TMEM232: variants seen among roughly 807,000 people sequenced by gnomAD.
TMEM232 encodes the protein transmembrane protein 232.
TMEM232 carries 80 observed loss-of-function variants against 78.8 expected under a neutral mutation model. The observed-to-expected ratio is 1.01, with a 90% CI of 0.85 to 1.22. The LOEUF (loss-of-function observed/expected upper bound fraction) is 1.22, where lower values mean the gene tolerates loss of function less well. Ranked by LOEUF, TMEM232 falls within the 50% of genes most tolerant of loss-of-function variation. The probability of loss-of-function intolerance (pLI) is 0.00; values close to 1 mark genes in which losing one functional copy is unlikely to be tolerated. For missense variants in TMEM232, 881 were observed against 742.2 expected (o/e 1.19, Z -2.17); for synonymous variants, 297 against 254.3 (o/e 1.17, Z -1.60).
intron 12 of TMEM232, among the ~76,000 whole-genome samples, chr5:110,513,022 G>A (rs534833386): frequency 6.6e-6 from 1 of 152,196 alleles, no homozygotes; most frequent in African/African-American, 2.4e-5. Context: ...GGCAGTGAAA[G>A]TGGAAGCTAA....
downstream of TMEM232, among the ~76,000 whole-genome samples, chr5:110,419,031 G>A (rs990409081): frequency 2.0e-5 from 3 of 152,116 alleles, no homozygotes; most frequent in South Asian, 2.1e-4. Flanking sequence ...ATGGAAGGAT[G>A]GGAGAAAATT....
At chr5:110,718,830 T>C (rs959790634) in intron 1 of TMEM232, among the ~76,000 whole-genome samples, 2 of 152,146 alleles carry the variant, frequency 1.3e-5, no homozygotes, top group Non-Finnish European at 2.9e-5. Context: ...AACTCTATTA[T>C]TGTATCTTCA....
intron 11 of TMEM232, among the ~76,000 whole-genome samples, chr5:110,543,004 C>T (rs988638622): frequency 2.6e-5 from 4 of 152,170 alleles, no homozygotes; most frequent in Non-Finnish European, 4.4e-5. Flanking sequence ...AGCCTGCTCC[C>T]ACCCTGGGAA....
intron 12 of TMEM232, among the ~76,000 whole-genome samples, chr5:110,462,651 C>T (rs1276056245): frequency 6.6e-6 from 1 of 152,212 alleles, no homozygotes; most frequent in Non-Finnish European, 1.5e-5. Context: ...CTTTGACTGG[C>T]TTCCTTGCTC....
chr5:110,692,784 G>C (rs534087931), intron 1 of TMEM232, among the ~76,000 whole-genome samples: 1 of 152,284 alleles, frequency 6.6e-6, no homozygotes, highest in Non-Finnish European at 1.5e-5. Context: ...GGCTTGAGTA[G>C]GTAAACAAAG....
chr5:110,629,238 GA>G (rs1056846327), intron 5 of TMEM232, among the ~76,000 whole-genome samples: 28 of 151,556 alleles, frequency 1.8e-4, no homozygotes, highest in East Asian at 5.8e-4. Context: ...GATAAATACT[GA>G]AAAAAAATAT....
At position 110,390,165 on chromosome 5, in the gene TMEM232, T is replaced by C. The variant is rs1317248659; in HGVS notation, n.615+251A>G. 2.6e-5 allele frequency among the ~76,000 whole-genome samples: 4 copies of C among 152,204 alleles called. No individual in the cohort carries two copies. In the East Asian group the frequency reaches 7.7e-4, roughly 29 times the overall value. On this transcript the variant is annotated intron_variant and non_coding_transcript_variant, in intron 4 of 8. Transcript: ENST00000507188. ...CTCTTTCCCTCACTTTCCTAGCTACTGCCCTCTCCCACATTCCATGAGTGT... is the reference window on the plus strand; with the variant it reads ...CTCTTTCCCTCACTTTCCTAGCTACCGCCCTCTCCCACATTCCATGAGTGT...
intron 8 of TMEM232, among the ~76,000 whole-genome samples, chr5:110,607,679 T>G (rs765919485): frequency 2.1e-4 from 32 of 151,998 alleles, no homozygotes; most frequent in Admixed American, 3.3e-4. Flanking sequence ...AAGCTTGGAA[T>G]AGCCATACAG....
At chr5:110,664,693 A>G (rs541671411) in intron 2 of TMEM232, among the ~76,000 whole-genome samples, 2 of 152,326 alleles carry the variant, frequency 1.3e-5, no homozygotes, top group East Asian at 3.9e-4. Flanking sequence ...GGTTTTGGTG[A>G]GGGCTGTGCT....
At chr5:110,400,284 T>C (rs1169938911) in intron 2 of TMEM232, among the ~76,000 whole-genome samples, 1 of 152,166 alleles carries the variant, frequency 6.6e-6, no homozygotes, top group Non-Finnish European at 1.5e-5. Context: ...AAATTCTTCA[T>C]ATGACAGTTT....
At position 110,447,151 on chromosome 5, in the gene TMEM232, GTA is replaced by G. The variant is rs201670078; in HGVS notation, c.1704-22237_1704-22236del. ...TATATATACACATACATATATATGT[GTA>G]TATATATATATTTATAATTAGCTTT... On this transcript the variant is annotated intron_variant, in intron 12 of 13. Coordinates refer to ENST00000455884, the MANE Select transcript of TMEM232 (RefSeq NM_001039763.4). Among the ~76,000 whole-genome samples, 18 of 149,560 alleles carry G rather than the reference GTA, an allele frequency of 1.2e-4. 1 individual carries two copies. The highest frequency in any genetic ancestry group is 1.1e-3 in the South Asian group (5 of 4,758).
intron 12 of TMEM232, among the ~76,000 whole-genome samples, chr5:110,507,405 A>G (rs1767036338): frequency 6.6e-6 from 1 of 152,020 alleles, no homozygotes; most frequent in East Asian, 1.9e-4. Flanking sequence ...CAACTACTCT[A>G]CCTCCACCAT....
chr5:110,450,193 T>G (rs188604455), intron 12 of TMEM232, among the ~76,000 whole-genome samples: 1 of 152,316 alleles, frequency 6.6e-6, no homozygotes, highest in East Asian at 1.9e-4. Flanking sequence ...CTGTATAGTC[T>G]GTGGAACTGT....
chr5:110,388,571 C>G (rs1468978507), intron 4 of TMEM232, among the ~76,000 whole-genome samples: 1 of 152,178 alleles, frequency 6.6e-6, no homozygotes, highest in African/African-American at 2.4e-5. Flanking sequence ...TCTTTTTTAA[C>G]TCCTATATCA....
chr5:110,416,594 A>C (rs1023304898), downstream of TMEM232, among the ~76,000 whole-genome samples: 10 of 152,210 alleles, frequency 6.6e-5, no homozygotes, highest in African/African-American at 2.2e-4. Flanking sequence ...TTGGAAGCAA[A>C]GTTCAGTGAA....
At position 110,422,507 on chromosome 5, in the gene TMEM232, G is replaced by A. The variant is rs376477141; in HGVS notation, c.1798-1751C>T. 3.9e-3 allele frequency among the ~76,000 whole-genome samples: 427 copies of A among 110,446 alleles called. 5 individuals carry two copies. The highest frequency in any genetic ancestry group is 6.1e-3 in the Admixed American group (46 of 7,484). 72.5% of individuals were successfully genotyped at this position (110,446 alleles called of 152,430 possible). On this transcript the variant is annotated intron_variant, in intron 13 of 13. Coordinates refer to ENST00000455884, the MANE Select transcript of TMEM232 (RefSeq NM_001039763.4). ...TGCACTCCAGCCTGGGCCACAGAGC[G>A]AGACTCTGTCTCAAAAAAAAAAAAA...
chr5:110,399,514 C>A (rs558372523), intron 2 of TMEM232, among the ~76,000 whole-genome samples: 2 of 151,866 alleles, frequency 1.3e-5, no homozygotes, highest in African/African-American at 2.4e-5. Context: ...TTTTAAAAGG[C>A]CTTCCTCTCA....
chr5:110,465,355 T>G (rs761535199), intron 12 of TMEM232, among the ~76,000 whole-genome samples: 17 of 152,190 alleles, frequency 1.1e-4, no homozygotes, highest in Non-Finnish European at 2.5e-4. Context: ...CATCTCTGAT[T>G]GGTGGTTAAC....
At chr5:110,589,753 A>G (rs72771448) in intron 10 of TMEM232, among the ~76,000 whole-genome samples, 11,125 of 152,214 alleles carry the variant, frequency 0.073, 489 homozygotes, top group Admixed American at 0.12. Context: ...GAACATTCAA[A>G]GAGCTCAATA....
Sources: gnomAD v4.1 joint callset for allele counts (sites outside exome capture counted in the v4.1 genomes callset) on GRCh38, gnomAD v4.1.1 for gene constraint, MANE v1.5 for transcripts, NCBI Gene and HGNC (gene_info 2026-07-23, HGNC 2026-07-21) for gene names.